The following SP110 variants were observed in gnomAD, a reference collection of about 807,000 sequenced individuals.
SP110 encodes SP110 nuclear body protein.
Under a neutral mutation model 92.7 loss-of-function variants are expected in SP110, and 62 were observed. The ratio of observed to expected loss-of-function variants is 0.67; its 90% CI spans 0.55 to 0.83. SP110 has a LOEUF of 0.83. Among genes scored for constraint, SP110 ranks in the 40% least tolerant of loss-of-function variants. The pLI is 0.00. For missense variants in SP110, 793 were observed against 863.9 expected (o/e 0.92, Z 1.03); for synonymous variants, 273 against 305.3 (o/e 0.89, Z 1.10).
chr2:230,171,393 G>T (rs2078436700), intron 17 of SP110: 26 of 414,196 alleles, frequency 6.3e-5, no homozygotes, highest in South Asian at 5.0e-4. Flanking sequence ...AGCCCAGCTG[G>T]CATCTGTGAC....
At chr2:230,216,420 C>T (rs1249156790) in intron 2 of SP110, among the ~76,000 whole-genome samples, 2 of 152,194 alleles carry the variant, frequency 1.3e-5, no homozygotes, top group Non-Finnish European at 2.9e-5. Context: ...GGATTTCCAA[C>T]AGCTACCAGA....
chr2:230,203,014 G>A (rs1220026814), intron 8 of SP110: 4 of 443,006 alleles, frequency 9.0e-6, no homozygotes, highest in Non-Finnish European at 1.7e-5. Flanking sequence ...CCTGATTTTC[G>A]TTTGTGTCGG....
chr2:230,211,510 G>T lies in SP110; in HGVS notation c.711C>A (p.Asp237Glu), dbSNP rs1167489264. ...AGGGAGAGTGGGGCATCTCTTGAGG[G>T]TCTTCTTTATCTCTTATTTGGGGGA... is the stretch of plus-strand genomic sequence containing the variant. ...NLIPQIRDKE[D>E]PQEMPHSPLG... is the part of the protein sequence containing the mutation. Residue 237 changes from aspartate to glutamate, a missense_variant, in exon 6 of 19, where the codon GAC (aspartate) becomes GAA (glutamate). Coordinates refer to ENST00000258381, the MANE Select transcript of SP110 (RefSeq NM_080424.4). The surrounding 1 kb of genome is among the most constrained non-coding windows in gnomAD (Gnocchi z 4.2). The T allele has an allele frequency of 1.9e-6, 3 of 1,612,030 alleles. No homozygotes were observed. Among genetic ancestry groups the T allele is most frequent in the Non-Finnish European group, 2.5e-6 (3 of 1,178,084 alleles).
At chr2:230,181,756 C>CA (rs757336309) in intron 12 of SP110, among the ~76,000 whole-genome samples, 4 of 152,140 alleles carry the variant, frequency 2.6e-5, no homozygotes, top group Admixed American at 6.5e-5. Flanking sequence ...AATGAGATAC[C>CA]ATCTCATGCC....
chr2:230,214,353 G>A (rs182828509), intron 3 of SP110, among the ~76,000 whole-genome samples: 87 of 152,018 alleles, frequency 5.7e-4, no homozygotes, highest in Admixed American at 1.0e-3. Flanking sequence ...GTCCTTGTCC[G>A]GACTAGTGGT....
At chr2:230,206,595 T>TTTTATATA (rs1317441117) in intron 8 of SP110, among the ~76,000 whole-genome samples, 3 of 70,530 alleles carry the variant, frequency 4.3e-5, no homozygotes, top group Non-Finnish European at 5.7e-5. Context: ...GGTCCAGATT[T>TTTTATATA]TATATATATA....
chr2:230,207,916 C>A (rs2044048386), intron 8 of SP110, 75 bp downstream of exon 8: 1 of 747,222 alleles, frequency 1.3e-6, no homozygotes, highest in Admixed American at 2.1e-5. Context: ...TAAAATTCAA[C>A]CCTCCACAGC....
chr2:230,207,494 A>G (rs2043999336), intron 8 of SP110, among the ~76,000 whole-genome samples: 1 of 152,210 alleles, frequency 6.6e-6, no homozygotes, highest in Non-Finnish European at 1.5e-5. Context: ...ACACAGCTGC[A>G]TAGATGGCTA....
intron 9 of SP110, 68 bp downstream of exon 9, chr2:230,202,511 G>T (rs1383686861): frequency 2.0e-6 from 3 of 1,482,384 alleles, no homozygotes; most frequent in Non-Finnish European, 2.8e-6. Flanking sequence ...ACTTAACTCT[G>T]TACCTGCTTC....
At chr2:230,175,368 T>C (rs2041811585) in intron 14 of SP110, among the ~76,000 whole-genome samples, 1 of 146,928 alleles carries the variant, frequency 6.8e-6, no homozygotes, top group African/African-American at 2.5e-5. Flanking sequence ...AAAGGTCTAA[T>C]ATTCTATAAG....
chr2:230,199,436 T>G lies in SP110; in HGVS notation c.1129+1449A>C, dbSNP rs187826083. ...GCTGGCCAGGCTGGTCTCGAACTCC[T>G]GGCCTCAAGTGATTCACCTACCTCA... is the stretch of plus-strand genomic sequence containing the variant. On this transcript the variant is annotated intron_variant, in intron 10 of 18. Coordinates refer to ENST00000258381, the MANE Select transcript of SP110 (RefSeq NM_080424.4). 2.7e-3 allele frequency among the ~76,000 whole-genome samples: 407 copies of G among 152,026 alleles called. 2 individuals carry two copies. The highest frequency in any genetic ancestry group is 9.4e-3 in the African/African-American group (389 of 41,452).
At position 230,177,589 on chromosome 2, in the gene SP110, G is replaced by A; in HGVS notation, c.1539C>T (p.Asn513=). The change falls in exon 14 of 19, where the codon AAC becomes AAT. Residue 513 remains asparagine (N), a synonymous_variant. Transcript: ENST00000258381. ...CTTCACAACGTATATTCCGTTTCCA[G>A]TTCTTTGCGTTCCTTCCTTTTCCTT... ...EVEGKGRNAK[N]WKRNIRCEGM... The A allele has an allele frequency of 1.2e-6, 2 of 1,614,098 alleles. No homozygotes were observed. The highest frequency in any genetic ancestry group is 2.2e-5 in the South Asian group (2 of 91,084).
intron 3 of SP110, 136 bp downstream of exon 3, chr2:230,214,814 A>G (rs2044923073): frequency 1.2e-5 from 9 of 739,762 alleles, no homozygotes; most frequent in South Asian, 4.5e-5. Context: ...AGCTGTACCA[A>G]TGAGAGAATA....
At position 230,169,096 on chromosome 2, in the gene SP110, G is replaced by T. The variant is rs1450733360; in HGVS notation, c.*28C>A. 2.1e-6 allele frequency: 3 copies of T among 1,406,794 alleles called. No homozygotes were observed. Among genetic ancestry groups the T allele is most frequent in the Non-Finnish European group, 2.0e-6 (2 of 991,280 alleles). The allele number at this position is 1,406,794 out of a possible 1,614,324, so 87.1% of individuals were successfully genotyped here. A position where few individuals can be genotyped will look rare whatever the true frequency, so the allele number is the denominator to read the frequency against. On this transcript the variant is annotated 3_prime_UTR_variant, in exon 19 of 19. Coordinates refer to ENST00000258381, the MANE Select transcript of SP110 (RefSeq NM_080424.4). ...GTCCCATCAGCTGAATCCTGAGGTGGGGATGCTTCAGTCTTTACAGAACAG... is the reference window on the plus strand; with the variant it reads ...GTCCCATCAGCTGAATCCTGAGGTGTGGATGCTTCAGTCTTTACAGAACAG...
At chr2:230,185,449 G>A (rs901986963) in intron 11 of SP110, among the ~76,000 whole-genome samples, 1 of 152,158 alleles carries the variant, frequency 6.6e-6, no homozygotes, top group Non-Finnish European at 1.5e-5. Flanking sequence ...ACCTTTGGCC[G>A]TCATCATAGA....
Position 230,175,174 on chromosome 2 carries a change from A to G in SP110, c.1591-2215T>C, listed in dbSNP as rs1003754314. Among the ~76,000 whole-genome samples the G allele has an allele frequency of 5.3e-5, 8 of 151,964 alleles. No individual in the cohort carries two copies. In the East Asian group the frequency reaches 5.8e-4, roughly 11 times the overall value. ...ATAAGTGCAGTTGATTCTTTTGGCT[A>G]TTTTTTCACTCATAGACCTACCTAC... On this transcript the variant is annotated intron_variant, in intron 14 of 18. Transcript: ENST00000258381.
rs969938991 is a variant in SP110 at position 230,170,563 on chromosome 2, C to T, written c.2028+58G>A. 3.1e-6 allele frequency: 5 copies of T among 1,602,068 alleles called. No individual in the cohort carries two copies. The African/African-American group carries it at 6.7e-5, about 21-fold the overall frequency. ...TGTAATACTTGCAAAATTCTGCTGT[C>T]CCAGAAATTAGGGGAAAGTAGAAAA... On this transcript the variant is annotated intron_variant, in intron 18 of 18. Transcript: ENST00000258381.
intron 14 of SP110, 21 bp downstream of exon 14, chr2:230,177,517 T>C: frequency 6.2e-7 from 1 of 1,613,162 alleles, no homozygotes; most frequent in East Asian, 2.2e-5. Context: ...CTGTCACCTA[T>C]CTGTCCCGTC....
At chr2:230,173,107 TG>T in intron 14 of SP110, 148 bp from the exon 15 acceptor site, 1 of 659,882 alleles carries the variant, frequency 1.5e-6, no homozygotes, top group Non-Finnish European at 2.8e-6. Flanking sequence ...GCCACCTCCC[TG>T]GGGGAAATTG....
Sources: allele counts gnomAD v4.1 joint callset (sites outside exome capture counted in the v4.1 genomes callset), GRCh38; gene constraint gnomAD v4.1.1; non-coding constraint Gnocchi (gnomAD v3.1); transcripts MANE v1.5; gene names NCBI Gene and HGNC (gene_info 2026-07-23, HGNC 2026-07-21).